The following MYOCD variants were observed in gnomAD, a reference collection of about 807,000 sequenced individuals.
MYOCD encodes myocardin.
A neutral mutation model predicts 96.1 loss-of-function variants in MYOCD; 32 were observed. That is an observed-to-expected ratio of 0.33 (90% CI 0.25 to 0.45). MYOCD has a LOEUF of 0.45. MYOCD is among the 20% of genes least tolerant of loss of function. MYOCD has a pLI of 1.00. For missense variants in MYOCD, 1,133 were observed against 1,200.6 expected, an observed-to-expected ratio of 0.94 and a Z score of 0.83; for synonymous variants, 469 against 469.0, an observed-to-expected ratio of 1.00 and a Z score of 0.00.
At position 12,697,357 on chromosome 17, in the gene MYOCD, ATATTTTTTT is replaced by A. The variant is rs1351416795; in HGVS notation, c.56-7769_56-7761del. ...GGAGTATATATATATATATATATAT[ATATTTTTTT>A]TTTTTTTTTTTTTTGAGACGGGGTC... On this transcript the variant is annotated intron_variant, in intron 1 of 13. Transcript: ENST00000425538. Among the ~76,000 whole-genome samples the A allele has an allele frequency of 5.7e-5, 5 of 87,046 alleles. No individual in the cohort carries two copies. In the Admixed American group the frequency reaches 7.2e-4, roughly 13 times the overall value. 57.1% of individuals were successfully genotyped at this position (87,046 alleles called of 152,430 possible).
At chr17:12,710,601 A>T (rs2031450407) in intron 2 of MYOCD, 1 of 615,962 alleles carries the variant, frequency 1.6e-6, no homozygotes, top group Non-Finnish European at 2.0e-6. Flanking sequence ...CAATTCCCGC[A>T]CCCATATCAC....
chr17:12,704,948 AC>A (rs2031229745), intron 1 of MYOCD, 179 bp from the exon 2 acceptor site: 1 of 583,686 alleles, frequency 1.7e-6, no homozygotes, highest in South Asian at 2.2e-5. Flanking sequence ...AAACCTTGTA[AC>A]CTTCTCAGCT....
At position 12,675,445 on chromosome 17, in the gene MYOCD, A is replaced by G. The variant is rs1475584737; in HGVS notation, c.55+9202A>G. On this transcript the variant is annotated intron_variant, in intron 1 of 13. Coordinates refer to ENST00000425538, the MANE Select transcript of MYOCD (RefSeq NM_001146312.3). ...TAGAATACAATAAAACACAATGCAA[A>G]GCAAAAAGAAATGATAAAATTCTAT... Among the ~76,000 whole-genome samples the G allele has an allele frequency of 3.9e-5, 6 of 152,264 alleles. No homozygotes were observed. In the East Asian group the frequency reaches 1.2e-3, roughly 29 times the overall value.
At chr17:12,723,568 G>A (rs1442649359) in intron 5 of MYOCD, among the ~76,000 whole-genome samples, 1 of 152,164 alleles carries the variant, frequency 6.6e-6, no homozygotes, top group African/African-American at 2.4e-5. Context: ...TACTCAAAAA[G>A]GAGACACAAA....
At chr17:12,730,375 G>A (rs1296655147) in intron 5 of MYOCD, among the ~76,000 whole-genome samples, 6 of 151,616 alleles carry the variant, frequency 4.0e-5, no homozygotes, top group African/African-American at 1.5e-4. Context: ...TTGAACCTGG[G>A]AGGTGGAAGT....
rs547703390 is a variant in MYOCD at position 12,700,635 on chromosome 17, C to T, written c.56-4493C>T. Among the ~76,000 whole-genome samples the T allele has an allele frequency of 6.9e-4, 104 of 150,276 alleles. 1 individual carries two copies. The highest frequency in any genetic ancestry group is 2.3e-3 in the African/African-American group (95 of 40,564). ...TTCACCATTTTGGCCAGAATGGTCT[C>T]GATCTCCTGACCTCGTGATCCACCC... On this transcript the variant is annotated intron_variant, in intron 1 of 13. Transcript: ENST00000425538.
rs1410067042 is a variant in MYOCD at position 12,760,469 on chromosome 17, T to G, written c.2332-181T>G. ...ATTGTGTGAATGTACTTAATGCCCC[T>G]TAACTGTACACTTAAAAATGGTTGA... On this transcript the variant is annotated intron_variant, in intron 12 of 13. Transcript: ENST00000425538. 1.5e-5 allele frequency: 9 copies of G among 593,430 alleles called. No individual in the cohort carries two copies. In the Admixed American group the frequency reaches 2.4e-4, roughly 16 times the overall value. The allele number at this position is 593,430 out of a possible 1,614,324, so 36.8% of individuals were successfully genotyped here.
chr17:12,730,760 A>G (rs912824451), intron 5 of MYOCD, among the ~76,000 whole-genome samples: 2 of 152,156 alleles, frequency 1.3e-5, no homozygotes, highest in South Asian at 2.1e-4. Context: ...TAGTCTGTCC[A>G]TGATTTAAAA....
chr17:12,768,441 T>C lies in MYOCD; in HGVS notation c.*4797T>C, dbSNP rs1266975395. The stretch of plus-strand genomic sequence containing the variant: ...GGGAATCAGCGATTTTCCCTGTGGA[T>C]TAAGACAAACCAACGCCAGAAGGTC... On this transcript the variant is annotated 3_prime_UTR_variant, in exon 14 of 14. Coordinates refer to ENST00000425538, the MANE Select transcript of MYOCD (RefSeq NM_001146312.3). 1 of 152,198 alleles carries C rather than the reference T, an allele frequency of 6.6e-6. No individual in the cohort carries two copies. Among genetic ancestry groups the C allele is most frequent in the Non-Finnish European group, 1.5e-5 (1 of 68,048 alleles). 9.4% of individuals were successfully genotyped at this position (152,198 alleles called of 1,614,324 possible). A position where few individuals can be genotyped will look rare whatever the true frequency, so the allele number is the denominator to read the frequency against.
intron 1 of MYOCD, among the ~76,000 whole-genome samples, chr17:12,688,823 CA>C (rs1335369194): frequency 2.0e-5 from 3 of 151,850 alleles, no homozygotes; most frequent in Non-Finnish European, 4.4e-5. Flanking sequence ...ATGATGTGGG[CA>C]AAAGTATTGC....
At chr17:12,669,357 C>G (rs1457336013) in intron 1 of MYOCD, among the ~76,000 whole-genome samples, 2 of 152,170 alleles carry the variant, frequency 1.3e-5, no homozygotes, top group Non-Finnish European at 2.9e-5. Context: ...CTCTCTCTCT[C>G]TTTCCCACTT....
Position 12,752,403 on chromosome 17 carries a change from G to T in MYOCD, c.1126-11G>T. On this transcript the variant is annotated splice_polypyrimidine_tract_variant and intron_variant, in intron 9 of 13. Coordinates refer to ENST00000425538, the MANE Select transcript of MYOCD (RefSeq NM_001146312.3). ...TTAAACAGCACACTAACCACATTCTGATTTCTTTAGGTCTCTGAATTAAGA... is the reference window on the plus strand; with the variant it reads ...TTAAACAGCACACTAACCACATTCTTATTTCTTTAGGTCTCTGAATTAAGA... 1 of 1,590,718 alleles carries T rather than the reference G, an allele frequency of 6.3e-7. No homozygotes were observed.
At chr17:12,666,343 C>G in intron 1 of MYOCD, 100 bp downstream of exon 1, 2 of 906,790 alleles carry the variant, frequency 2.2e-6, no homozygotes, top group Non-Finnish European at 3.6e-6. Flanking sequence ...CCTGCCAGGT[C>G]TACCTCAACT....
intron 1 of MYOCD, among the ~76,000 whole-genome samples, chr17:12,672,575 T>A (rs768334058): frequency 3.3e-5 from 5 of 152,204 alleles, no homozygotes; most frequent in Non-Finnish European, 7.3e-5. Context: ...TAAAACTGTT[T>A]TGTGACTTTT....
Position 12,727,132 on chromosome 17 carries a change from G to A in MYOCD, c.415+4124G>A, listed in dbSNP as rs77718013. Among the ~76,000 whole-genome samples the A allele has an allele frequency of 2.1e-3, 320 of 152,220 alleles. 4 individuals carry two copies. Among genetic ancestry groups the A allele is most frequent in the African/African-American group, 7.1e-3 (296 of 41,542 alleles). On this transcript the variant is annotated intron_variant, in intron 5 of 13. Transcript: ENST00000425538. ...AAGAGGTCTAAAATGAGGCTCCCAC[G>A]CAGTAGTGTTTAACATAGAAACAGG...
At chr17:12,711,924 CTTTTTTTT>C (rs11388469) in intron 2 of MYOCD, among the ~76,000 whole-genome samples, 8 of 134,834 alleles carry the variant, frequency 5.9e-5, no homozygotes, top group African/African-American at 1.9e-4. Flanking sequence ...TTTCTTTTTT[CTTTTTTTT>C]TTTTTTTTTG....
At chr17:12,701,413 A>G (rs1318157718) in intron 1 of MYOCD, among the ~76,000 whole-genome samples, 1 of 152,170 alleles carries the variant, frequency 6.6e-6, no homozygotes, top group African/African-American at 2.4e-5. Flanking sequence ...CTCCGTCTCA[A>G]AATAAATAAA....
At position 12,763,274 on chromosome 17, in the gene MYOCD, C is replaced by T. The variant is rs2033237925; in HGVS notation, c.2591C>T (p.Pro864Leu). The T allele has an allele frequency of 6.2e-7, 1 of 1,613,324 alleles. No homozygotes were observed. Among genetic ancestry groups the T allele is most frequent in the Non-Finnish European group, 8.5e-7 (1 of 1,179,776 alleles). Residue 864 changes from proline to leucine, a missense_variant, in exon 14 of 14, where the codon CCC becomes CTC. Coordinates refer to ENST00000425538, the MANE Select transcript of MYOCD (RefSeq NM_001146312.3). ...GAAGTCTTATTAAATTCCCAGAGCC[C>T]CCTAGGAAAGATGAGTGATGTCACC... ...HLEVLLNSQS[P>L]LGKMSDVTLL...
At chr17:12,734,099 C>T (rs2032265580) in intron 5 of MYOCD, among the ~76,000 whole-genome samples, 1 of 115,588 alleles carries the variant, frequency 8.7e-6, no homozygotes, top group Admixed American at 9.1e-5. Flanking sequence ...ACATTTCCAC[C>T]CATGTTAGAA....
Sources: allele counts gnomAD v4.1 joint callset (sites outside exome capture counted in the v4.1 genomes callset), GRCh38; gene constraint gnomAD v4.1.1; transcripts MANE v1.5; gene names NCBI Gene and HGNC (gene_info 2026-07-23, HGNC 2026-07-21).